The following ST13 variants were observed in gnomAD, a reference collection of about 807,000 sequenced individuals.
The protein encoded by ST13 is hsc70-interacting protein.
Under a neutral mutation model 56.7 loss-of-function variants are expected in ST13, and 23 were observed. The ratio of observed to expected loss-of-function variants is 0.41; its 90% CI spans 0.29 to 0.57. The LOEUF (loss-of-function observed/expected upper bound fraction) is 0.57. ST13 is among the 20% of genes least tolerant of loss of function. The pLI is 0.36. For missense variants in ST13, 369 were observed against 459.9 expected (o/e 0.80, Z 1.81); for synonymous variants, 132 against 142.4 (o/e 0.93, Z 0.52).
intron 2 of ST13, among the ~76,000 whole-genome samples, chr22:40,848,594 T>G (rs933385641): frequency 6.6e-6 from 1 of 151,930 alleles, no homozygotes; most frequent in Admixed American, 6.6e-5. Context: ...AAAATACAAA[T>G]TAGCCGGACG....
intron 7 of ST13, 50 bp downstream of exon 7, chr22:40,835,510 T>A (rs763342129): frequency 6.8e-7 from 1 of 1,475,890 alleles, no homozygotes; most frequent in Non-Finnish European, 9.4e-7. Flanking sequence ...TCTTAAAACA[T>A]CAGATTTAAA....
At position 40,850,845 on chromosome 22, in the gene ST13, G is replaced by A; in HGVS notation, c.146C>T (p.Ala49Val). 1 of 1,605,422 alleles carries A rather than the reference G, an allele frequency of 6.2e-7. No individual in the cohort carries two copies. Among genetic ancestry groups the A allele is most frequent in the Non-Finnish European group, 8.5e-7 (1 of 1,176,884 alleles). Reference sequence around the variant, plus strand: ...TACCTTGGTATTTTCTTCTGATTTAGCTTTCTGAGTAGCAGGTGGTACTTT... The same window carrying A: ...TACCTTGGTATTTTCTTCTGATTTAACTTTCTGAGTAGCAGGTGGTACTTT... The part of the protein sequence containing the change: ...GGKVPPATQK[A>V]KSEENTKEEK... The change falls in exon 2 of 12, where the codon GCT becomes GTT. Residue 49 changes from alanine (A) to valine (V), a missense_variant. Coordinates refer to ENST00000216218, the MANE Select transcript of ST13 (RefSeq NM_003932.5).
intron 2 of ST13, among the ~76,000 whole-genome samples, chr22:40,850,284 G>T (rs994938634): frequency 1.3e-5 from 2 of 152,088 alleles, no homozygotes; most frequent in African/African-American, 4.8e-5. Flanking sequence ...ACAAATAAAA[G>T]AAAACATTCT....
chr22:40,850,737 T>C, intron 2 of ST13, 86 bp downstream of exon 2: 1 of 972,424 alleles, frequency 1.0e-6, no homozygotes, highest in South Asian at 1.5e-5. Context: ...TCAGGAGTGA[T>C]AACTGGAGAG....
rs148646670 is a variant in ST13, at chr22:40,840,273, A to G, written c.382+353T>C. Reference sequence around the variant, plus strand: ...GACTAGGACGAAGATTGGTATGCCTATGAACATCATCTGTCAAGGGTATTA... The same window carrying G: ...GACTAGGACGAAGATTGGTATGCCTGTGAACATCATCTGTCAAGGGTATTA... On this transcript the variant is annotated intron_variant, in intron 5 of 11. Transcript: ENST00000216218. 5.8e-3 allele frequency among the ~76,000 whole-genome samples: 876 copies of G among 152,254 alleles called. 5 individuals carry two copies. The highest frequency in any genetic ancestry group is 9.2e-3 in the Non-Finnish European group (628 of 68,002).
chr22:40,835,725 C>A, intron 6 of ST13, 55 bp from the exon 7 acceptor site: 1 of 1,597,412 alleles, frequency 6.3e-7, no homozygotes, highest in South Asian at 1.1e-5. Context: ...GTTTTGGGAT[C>A]AACACAGAAG....
chr22:40,841,564 C>T (rs1011613806), intron 4 of ST13, among the ~76,000 whole-genome samples: 1 of 151,768 alleles, frequency 6.6e-6, no homozygotes, highest in South Asian at 2.1e-4. Flanking sequence ...GGCGAAACTT[C>T]GTCTCTACAA....
intron 4 of ST13, among the ~76,000 whole-genome samples, 192 bp from the exon 5 acceptor site, chr22:40,840,884 A>G (rs866496678): frequency 6.6e-6 from 1 of 152,164 alleles, no homozygotes; most frequent in Non-Finnish European, 1.5e-5. Context: ...CTTTTATACT[A>G]AACAAATTTC....
At position 40,840,538 on chromosome 22, in the gene ST13, A is replaced by C. The variant is rs151081672; in HGVS notation, c.382+88T>G. The C allele has an allele frequency of 4.0e-5, 46 of 1,155,886 alleles. 1 individual carries two copies. The East Asian group carries it at 1.1e-3, about 27-fold the overall frequency. 71.6% of individuals were successfully genotyped at this position (1,155,886 alleles called of 1,614,324 possible). A position where few individuals can be genotyped will look rare whatever the true frequency, so the allele number is the denominator to read the frequency against. Reference sequence around the variant, plus strand: ...ATCTTCTCCAGTATAGGACAGGTACATGTAACTTCTCTTCTACTTTACCAC... The same window carrying C: ...ATCTTCTCCAGTATAGGACAGGTACCTGTAACTTCTCTTCTACTTTACCAC... On this transcript the variant is annotated intron_variant, in intron 5 of 11. Coordinates refer to ENST00000216218, the MANE Select transcript of ST13 (RefSeq NM_003932.5).
intron 3 of ST13, among the ~76,000 whole-genome samples, chr22:40,845,788 TAAG>T (rs940255657): frequency 5.3e-5 from 8 of 151,784 alleles, no homozygotes; most frequent in South Asian, 2.1e-4. Flanking sequence ...GTTAATTTGA[TAAG>T]AAGTTTCCTT....
chr22:40,841,095 T>C (rs1236067986), intron 4 of ST13, among the ~76,000 whole-genome samples: 1 of 150,738 alleles, frequency 6.6e-6, no homozygotes, highest in African/African-American at 2.4e-5. Context: ...ACCTATGCTA[T>C]ATAGATAGAC....
At chr22:40,833,638 G>A (rs2057764305) in intron 7 of ST13, among the ~76,000 whole-genome samples, 1 of 151,976 alleles carries the variant, frequency 6.6e-6, no homozygotes, top group African/African-American at 2.4e-5. Flanking sequence ...CACTTTGGGA[G>A]GCTGAGGCTG....
chr22:40,836,890 T>A (rs2057780062), intron 5 of ST13, among the ~76,000 whole-genome samples: 1 of 152,206 alleles, frequency 6.6e-6, no homozygotes, highest in Non-Finnish European at 1.5e-5. Flanking sequence ...TAGAGTACAG[T>A]GGCATGATCA....
rs1487507374 is a variant in ST13, at chr22:40,835,681, AGT to A, written c.468-13_468-12del. The stretch of plus-strand genomic sequence containing the variant: ...AATTTGACGAAGACACTGAAAAATA[AGT>A]GTGTTATTAAAAAGTATTCATTTCA... On this transcript the variant is annotated splice_polypyrimidine_tract_variant and intron_variant, in intron 6 of 11. Coordinates refer to ENST00000216218, the MANE Select transcript of ST13 (RefSeq NM_003932.5). 3.1e-6 allele frequency: 5 copies of A among 1,610,704 alleles called. No individual in the cohort carries two copies. Among genetic ancestry groups the A allele is most frequent in the Admixed American group, 1.7e-5 (1 of 60,006 alleles).
At chr22:40,845,941 C>T (rs138342) in intron 3 of ST13, among the ~76,000 whole-genome samples, 65,567 of 151,876 alleles carry the variant, frequency 0.43, 14,972 homozygotes, top group Admixed American at 0.62. Flanking sequence ...AACATACAGG[C>T]ATATCGTTTT....
intron 1 of ST13, among the ~76,000 whole-genome samples, chr22:40,853,357 C>T (rs1261021253): frequency 2.0e-5 from 3 of 151,668 alleles, no homozygotes; most frequent in Non-Finnish European, 2.9e-5. Context: ...AAAATAAAAA[C>T]TTTAAAAAAA....
At chr22:40,838,546 GA>G (rs1413208352) in intron 5 of ST13, among the ~76,000 whole-genome samples, 1 of 151,650 alleles carries the variant, frequency 6.6e-6, no homozygotes, top group African/African-American at 2.4e-5. Context: ...AGGCCTGCTT[GA>G]GGGCAGGAGT....
intron 2 of ST13, among the ~76,000 whole-genome samples, chr22:40,849,067 T>C (rs1389362003): frequency 2.6e-5 from 4 of 152,240 alleles, no homozygotes. Flanking sequence ...CCTTTGCCTT[T>C]TGCATTTAAC....
rs747108971 is a variant in ST13, at chr22:40,832,684, T to G, written c.579-13A>C. The G allele has an allele frequency of 6.3e-7, 1 of 1,584,466 alleles. No individual in the cohort carries two copies. The highest frequency in any genetic ancestry group is 1.1e-5 in the South Asian group (1 of 90,720). On this transcript the variant is annotated splice_polypyrimidine_tract_variant and intron_variant, in intron 7 of 11. Coordinates refer to ENST00000216218, the MANE Select transcript of ST13 (RefSeq NM_003932.5). Reference sequence around the variant, plus strand: ...GTGGCCTAGAAGTCTGAAACAGATTTACACTCATTTTAGGAGCCTTTTATA... The same window carrying G: ...GTGGCCTAGAAGTCTGAAACAGATTGACACTCATTTTAGGAGCCTTTTATA...
Sources: gnomAD v4.1 joint callset for allele counts (sites outside exome capture counted in the v4.1 genomes callset) on GRCh38, gnomAD v4.1.1 for gene constraint, MANE v1.5 for transcripts, NCBI Gene and HGNC (gene_info 2026-07-23, HGNC 2026-07-21) for gene names.